GORASP2: variants seen among roughly 807,000 people sequenced by gnomAD.
The protein encoded by GORASP2 is Golgi reassembly-stacking protein 2.
GORASP2 carries 22 observed loss-of-function variants against 45.7 expected under a neutral mutation model. The observed-to-expected ratio is 0.48, with a 90% CI of 0.34 to 0.69. The LOEUF (loss-of-function observed/expected upper bound fraction) is 0.69. Ranked by LOEUF, GORASP2 falls within the 30% of genes least tolerant of loss-of-function variation. GORASP2 has a pLI of 0.01. For missense variants in GORASP2, 491 were observed against 562.7 expected (o/e 0.87, Z 1.29); for synonymous variants, 221 against 215.6 (o/e 1.02, Z -0.22).
At chr2:170,957,347 G>A (rs1380491440) in intron 7 of GORASP2, among the ~76,000 whole-genome samples, 2 of 151,990 alleles carry the variant, frequency 1.3e-5, no homozygotes, top group Non-Finnish European at 2.9e-5. Context: ...CATGGTCTTG[G>A]CTCACTGCAA....
Position 170,954,760 on chromosome 2 carries a change from C to G in GORASP2, c.677C>G (p.Pro226Arg). Residue 226 changes from proline (P) to arginine (R), a missense_variant, in exon 6 of 10, where the codon CCT (proline) becomes CGT (arginine). Pro to Arg is a moderately radical substitution (Grantham distance 103). Around this residue, in one of 2 missense-constraint regions of GORASP2, gnomAD observed 297 missense variants for 292.3 expected, o/e 1.02. Coordinates refer to ENST00000234160, the MANE Select transcript of GORASP2 (RefSeq NM_015530.5). Reference protein sequence around the residue: ...PGQMAGTPITPLKDGFTEVQL... With the variant: ...PGQMAGTPITRLKDGFTEVQL... ...CAAATGGCTGGTACACCTATTACAC[C>G]TCTTAAAGATGGGTTTACAGAGGTA... 5.6e-6 allele frequency: 9 copies of G among 1,613,344 alleles called. No homozygotes were observed. Among genetic ancestry groups the G allele is most frequent in the Non-Finnish European group, 7.6e-6 (9 of 1,179,510 alleles).
chr2:170,955,803 G>A (rs1051409961), intron 6 of GORASP2, among the ~76,000 whole-genome samples: 3 of 152,210 alleles, frequency 2.0e-5, no homozygotes, highest in Non-Finnish European at 4.4e-5. Flanking sequence ...TGGGCAAAGG[G>A]CCAGAATACA....
rs770709518 is a variant in GORASP2, at chr2:170,966,126, C to G, written c.1355C>G (p.Pro452Arg). The stretch of plus-strand genomic sequence containing the variant: ...GTGGATGCCAATGCTTCTGAGTCAC[C>G]TTAACTTTGAACCATTCTTTGGAAT... ...AAVDANASES[P>R] The change falls in exon 10 of 10, where the codon CCT (proline) becomes CGT (arginine). Residue 452 changes from proline to arginine, a missense_variant. Coordinates refer to ENST00000234160, the MANE Select transcript of GORASP2 (RefSeq NM_015530.5). The G allele has an allele frequency of 3.1e-6, 5 of 1,610,436 alleles. 1 individual carries two copies. The South Asian group carries it at 5.5e-5, about 18-fold the overall frequency.
rs572812574 is a variant in GORASP2, at chr2:170,929,730, C to T, written c.63+327C>T. 1,280 of 559,836 alleles carry T rather than the reference C, an allele frequency of 2.3e-3. 15 individuals are homozygous for T. Among genetic ancestry groups the T allele is most frequent in the Middle Eastern group, 0.021 (43 of 2,022 alleles). 34.7% of individuals were successfully genotyped at this position (559,836 alleles called of 1,614,324 possible). On this transcript the variant is annotated intron_variant, in intron 1 of 9. Coordinates refer to ENST00000234160, the MANE Select transcript of GORASP2 (RefSeq NM_015530.5). ...CGGCCTTCTCTCTCCTCCACCCCCC[C>T]TCATTTTTAGCTTCCAAAGTTAGGA...
At chr2:170,952,209 A>G (rs1358128875) in intron 5 of GORASP2, among the ~76,000 whole-genome samples, 1 of 152,222 alleles carries the variant, frequency 6.6e-6, no homozygotes, top group Non-Finnish European at 1.5e-5. Context: ...TGAGCATGGA[A>G]TCAAACTGGA....
intron 9 of GORASP2, among the ~76,000 whole-genome samples, chr2:170,963,501 C>T (rs959677047): frequency 1.7e-4 from 23 of 133,056 alleles, no homozygotes; most frequent in African/African-American, 6.0e-4. Flanking sequence ...CCCCCTCCCC[C>T]GCCCCAGAGT....
intron 1 of GORASP2, among the ~76,000 whole-genome samples, chr2:170,939,634 A>G (rs1325942548): frequency 2.0e-5 from 3 of 152,164 alleles, no homozygotes; most frequent in Non-Finnish European, 4.4e-5. Flanking sequence ...ATTAAGCTTT[A>G]TGATAAGTGT....
chr2:170,956,598 TG>T, intron 7 of GORASP2, 39 bp downstream of exon 7: 1 of 1,549,612 alleles, frequency 6.5e-7, no homozygotes, highest in South Asian at 1.2e-5. Flanking sequence ...GTCTATTTTA[TG>T]TAATATTATT....
At chr2:170,964,651 T>C (rs2105331246) in intron 9 of GORASP2, among the ~76,000 whole-genome samples, 1 of 151,916 alleles carries the variant, frequency 6.6e-6, no homozygotes, top group African/African-American at 2.4e-5. Context: ...AGACTCCGTC[T>C]CAAAAAAAAA....
intron 5 of GORASP2, among the ~76,000 whole-genome samples, chr2:170,952,607 C>G (rs565721570): frequency 1.3e-5 from 2 of 152,348 alleles, no homozygotes; most frequent in South Asian, 4.1e-4. Flanking sequence ...TCAAATGTAG[C>G]TACCTCTGAA....
chr2:170,935,154 T>C (rs1433093661), intron 1 of GORASP2, among the ~76,000 whole-genome samples: 1 of 152,264 alleles, frequency 6.6e-6, no homozygotes, highest in Non-Finnish European at 1.5e-5. Flanking sequence ...GAATACAATG[T>C]ATATAAATCT....
chr2:170,952,400 G>A (rs1575476049), intron 5 of GORASP2, among the ~76,000 whole-genome samples: 1 of 152,150 alleles, frequency 6.6e-6, no homozygotes. Context: ...TCGTCAGTCT[G>A]CCTCTGACCA....
intron 1 of GORASP2, among the ~76,000 whole-genome samples, chr2:170,947,047 A>G (rs1171858545): frequency 6.6e-6 from 1 of 152,240 alleles, no homozygotes; most frequent in Non-Finnish European, 1.5e-5. Context: ...ATCAAATGAA[A>G]GAATTGCACA....
chr2:170,945,298 T>TA (rs1037704301), intron 1 of GORASP2, among the ~76,000 whole-genome samples: 1 of 151,860 alleles, frequency 6.6e-6, no homozygotes, highest in African/African-American at 2.4e-5. Context: ...CCCATCTCTA[T>TA]AAAAAATTAA....
chr2:170,943,801 T>C (rs1257051215), intron 1 of GORASP2, among the ~76,000 whole-genome samples: 3 of 152,088 alleles, frequency 2.0e-5, no homozygotes, highest in African/African-American at 7.2e-5. Flanking sequence ...GCTTCCTGAG[T>C]TGCTGGGACT....
At chr2:170,937,911 A>G (rs1054230630) in intron 1 of GORASP2, among the ~76,000 whole-genome samples, 6 of 152,158 alleles carry the variant, frequency 3.9e-5, no homozygotes, top group Non-Finnish European at 8.8e-5. Context: ...CACCTTTGGG[A>G]ACTGGATTCT....
intron 1 of GORASP2, among the ~76,000 whole-genome samples, chr2:170,941,765 G>A (rs1289798490): frequency 1.3e-5 from 2 of 152,078 alleles, no homozygotes; most frequent in Non-Finnish European, 1.5e-5. Context: ...CCTGTTGATG[G>A]GGATTTTTGT....
intron 5 of GORASP2, among the ~76,000 whole-genome samples, chr2:170,952,828 C>G (rs1375770653): frequency 1.3e-5 from 2 of 152,164 alleles, no homozygotes; most frequent in Non-Finnish European, 2.9e-5. Flanking sequence ...GGTGTACACA[C>G]TGTACTTGGC....
In GORASP2 at chr2:170,929,413, C is replaced by T. The variant is rs762412238; in HGVS notation, c.63+10C>T. On this transcript the variant is annotated intron_variant, in intron 1 of 9. Coordinates refer to ENST00000234160, the MANE Select transcript of GORASP2 (RefSeq NM_015530.5). Reference sequence around the variant, plus strand: ...CTACCACGTTCTGCGGGTAAGGGCTCCGACGGCGGCCGGGGAGCTGCGGGC... The same window carrying T: ...CTACCACGTTCTGCGGGTAAGGGCTTCGACGGCGGCCGGGGAGCTGCGGGC... 1.0e-5 allele frequency: 14 copies of T among 1,377,794 alleles called. No individual in the cohort carries two copies. Among genetic ancestry groups the T allele is most frequent in the Non-Finnish European group, 1.3e-5 (14 of 1,064,356 alleles). 85.3% of individuals were successfully genotyped at this position (1,377,794 alleles called of 1,614,324 possible). A position where few individuals can be genotyped will look rare whatever the true frequency, so the allele number is the denominator to read the frequency against.
Sources: gnomAD v4.1 joint callset for allele counts (sites outside exome capture counted in the v4.1 genomes callset) on GRCh38, gnomAD v4.1.1 for gene constraint, gnomAD v4.1.1 regional missense constraint, MANE v1.5 for transcripts, NCBI Gene and HGNC (gene_info 2026-07-23, HGNC 2026-07-21) for gene names.